The following KCNQ1 variants were observed in gnomAD, a reference collection of about 807,000 sequenced individuals.
The protein encoded by KCNQ1 is potassium voltage-gated channel subfamily Q member 1, also known as potassium voltage-gated channel subfamily KQT member 1.
A neutral mutation model predicts 72.4 loss-of-function variants in KCNQ1; 49 were observed. That is an observed-to-expected ratio of 0.68 (90% CI 0.54 to 0.86). The LOEUF (loss-of-function observed/expected upper bound fraction) is 0.86, where lower values mean the gene tolerates loss of function less well. KCNQ1 is among the 40% of genes least tolerant of loss of function. KCNQ1 has a pLI of 0.00. For missense variants in KCNQ1, 790 were observed against 945.1 expected (o/e 0.84, Z 2.15); for synonymous variants, 450 against 412.6 (o/e 1.09, Z -1.10).
chr11:2,709,337 G>A (rs909947603), intron 11 of KCNQ1, among the ~76,000 whole-genome samples: 1 of 150,348 alleles, frequency 6.7e-6, no homozygotes, highest in Non-Finnish European at 1.5e-5. Flanking sequence ...GCGGGCAGAG[G>A]CTCAGACGCC....
chr11:2,620,315 C>T lies in KCNQ1; in HGVS notation c.1393+31461C>T, dbSNP rs916819882. 9.8e-6 allele frequency: 2 copies of T among 204,628 alleles called. No homozygotes were observed. Among genetic ancestry groups the T allele is most frequent in the Non-Finnish European group, 9.5e-6 (1 of 105,054 alleles). The allele number at this position is 204,628 out of a possible 1,614,324, so 12.7% of individuals were successfully genotyped here. A position where few individuals can be genotyped will look rare whatever the true frequency, so the allele number is the denominator to read the frequency against. On this transcript the variant is annotated intron_variant, in intron 10 of 15. Coordinates refer to ENST00000155840, the MANE Select transcript of KCNQ1 (RefSeq NM_000218.3). The surrounding 1 kb of genome is among the most constrained non-coding windows in gnomAD (Gnocchi z 4.5). ...CACTGCAGCCTCCGCCTACCGGGTT[C>T]AAGTGATTCTCCTGCCTCAGCCTCC...
chr11:2,730,363 T>C (rs891993587), intron 11 of KCNQ1, among the ~76,000 whole-genome samples: 7 of 152,220 alleles, frequency 4.6e-5, no homozygotes, highest in African/African-American at 9.6e-5. Flanking sequence ...AGGTCAGATG[T>C]CCGACATGGG....
intron 15 of KCNQ1, among the ~76,000 whole-genome samples, chr11:2,847,557 G>A (rs938838872): frequency 2.0e-5 from 3 of 152,168 alleles, no homozygotes; most frequent in Non-Finnish European, 2.9e-5. Context: ...GACTCCAATC[G>A]GCACACATGC....
chr11:2,591,653 G>A (rs536390810), intron 10 of KCNQ1, among the ~76,000 whole-genome samples: 5 of 152,380 alleles, frequency 3.3e-5, no homozygotes, highest in African/African-American at 1.2e-4. Context: ...AATCGATGCC[G>A]TCCATTCAGC....
chr11:2,568,272 C>CATAAATAAATAA (rs71029149), intron 2 of KCNQ1, among the ~76,000 whole-genome samples: 26 of 149,180 alleles, frequency 1.7e-4, no homozygotes, highest in East Asian at 2.0e-4. Flanking sequence ...GACTCTGTCT[C>CATAAATAAATAA]ATAAATAAAT....
At chr11:2,680,541 T>C (rs543207438) in intron 11 of KCNQ1, 2 of 398,522 alleles carry the variant, frequency 5.0e-6, no homozygotes, top group East Asian at 3.6e-5. Context: ...TCTCATGCAG[T>C]TCTAAGAAAC....
intron 11 of KCNQ1, among the ~76,000 whole-genome samples, chr11:2,736,227 G>T (rs568423487): frequency 6.6e-6 from 1 of 152,314 alleles, no homozygotes; most frequent in South Asian, 2.1e-4. Flanking sequence ...CAGCAGTCCA[G>T]GGGATTAGAG....
intron 11 of KCNQ1, chr11:2,693,890 GTCC>G (rs1014807496): frequency 7.5e-6 from 3 of 398,644 alleles, no homozygotes; most frequent in African/African-American, 4.1e-5. Context: ...AACCCTACTC[GTCC>G]TCCTCCTGGA....
rs1431168232 is a variant in KCNQ1, at chr11:2,498,979, G to A, written c.387-28949G>A. 2.0e-5 allele frequency among the ~76,000 whole-genome samples: 3 copies of A among 152,158 alleles called. No individual in the cohort carries two copies. Among genetic ancestry groups the A allele is most frequent in the African/African-American group, 7.2e-5 (3 of 41,446 alleles). ...CAGTTCCCTCGGCTGGGGGAGGGAGGTCTCCCGGCTCCTTGCACTTCCCAG... is the reference window on the plus strand; with the variant it reads ...CAGTTCCCTCGGCTGGGGGAGGGAGATCTCCCGGCTCCTTGCACTTCCCAG... On this transcript the variant is annotated intron_variant, in intron 1 of 15. Coordinates refer to ENST00000155840, the MANE Select transcript of KCNQ1 (RefSeq NM_000218.3). The surrounding 1 kb of genome is among the most constrained non-coding windows in gnomAD (Gnocchi z 4.8).
chr11:2,763,062 A>G (rs1846433984), intron 11 of KCNQ1, among the ~76,000 whole-genome samples: 1 of 152,246 alleles, frequency 6.6e-6, no homozygotes, highest in South Asian at 2.1e-4. Flanking sequence ...TCGGTTTCCA[A>G]TAAATAAACA....
intron 1 of KCNQ1, among the ~76,000 whole-genome samples, chr11:2,469,263 GTT>G (rs113964559): frequency 1.4e-5 from 2 of 145,674 alleles, no homozygotes; most frequent in South Asian, 2.2e-4. Flanking sequence ...GAATTCAAGA[GTT>G]TTTTTTTTTT....
Position 2,683,115 on chromosome 11 carries a change from G to A in KCNQ1, c.1514+21034G>A, listed in dbSNP as rs911508170. ...GATTTTCTTGTTCCCAGGATATATC[G>A]CACCAACTCAGGAGGGTGTGGGGAT... On this transcript the variant is annotated intron_variant, in intron 11 of 15. Coordinates refer to ENST00000155840, the MANE Select transcript of KCNQ1 (RefSeq NM_000218.3). The surrounding 1 kb of genome is among the most constrained non-coding windows in gnomAD (Gnocchi z 4.7). 16 of 354,632 alleles carry A rather than the reference G, an allele frequency of 4.5e-5. No homozygotes were observed. Among genetic ancestry groups the A allele is most frequent in the African/African-American group, 3.9e-4 (12 of 31,124 alleles). The allele number at this position is 354,632 out of a possible 1,614,324, so 22.0% of individuals were successfully genotyped here.
rs1349489441 is a variant in KCNQ1 at position 2,653,940 on chromosome 11, A to C, written c.1394-8021A>C. ...CCAGAAGCCAGGCCTGGCTGCTGGCAGGCAAAAACAACAGGTGTCCACTCA... is the reference window on the plus strand; with the variant it reads ...CCAGAAGCCAGGCCTGGCTGCTGGCCGGCAAAAACAACAGGTGTCCACTCA... On this transcript the variant is annotated intron_variant, in intron 10 of 15. Coordinates refer to ENST00000155840, the MANE Select transcript of KCNQ1 (RefSeq NM_000218.3). The surrounding 1 kb of genome is among the most constrained non-coding windows in gnomAD (Gnocchi z 5.3). 3 of 398,698 alleles carry C rather than the reference A, an allele frequency of 7.5e-6. No individual in the cohort carries two copies. Among genetic ancestry groups the C allele is most frequent in the African/African-American group, 6.2e-5 (3 of 48,760 alleles). 24.7% of individuals were successfully genotyped at this position (398,698 alleles called of 1,614,324 possible). A position where few individuals can be genotyped will look rare whatever the true frequency, so the allele number is the denominator to read the frequency against.
At position 2,710,911 on chromosome 11, in the gene KCNQ1, G is replaced by A. The variant is rs1490524108; in HGVS notation, c.1514+48830G>A. Among the ~76,000 whole-genome samples the A allele has an allele frequency of 1.3e-5, 2 of 152,142 alleles. No homozygotes were observed. The highest frequency in any genetic ancestry group is 4.8e-5 in the African/African-American group (2 of 41,444). The stretch of plus-strand genomic sequence containing the variant: ...AGTGAGTTTTAAAATTGGAAAGTGG[G>A]TTTTCCAACTTTGTTTTTCTTTTTC... On this transcript the variant is annotated intron_variant, in intron 11 of 15. Transcript: ENST00000155840. This position sits in a 1 kb window ranked among gnomAD's most constrained non-coding sequence, Gnocchi z 4.1.
At chr11:2,730,669 C>T (rs569407330) in intron 11 of KCNQ1, among the ~76,000 whole-genome samples, 1 of 152,336 alleles carries the variant, frequency 6.6e-6, no homozygotes, top group Admixed American at 6.5e-5. Context: ...ACCTGTATGG[C>T]CACAGAGTCT....
At chr11:2,775,615 G>T (rs142028820) in intron 12 of KCNQ1, among the ~76,000 whole-genome samples, 10 of 152,196 alleles carry the variant, frequency 6.6e-5, no homozygotes, top group East Asian at 1.9e-4. Context: ...TGACCCCTTG[G>T]GGGGGCCAGC....
rs1161492965 is a variant in KCNQ1 at position 2,611,968 on chromosome 11, TTC to T, written c.1393+23119_1393+23120del. ...TACTCAAATATTTTTGTCTGCCCTATTCTCTCCTTCTCAGTACTCTTATTAAC... is the reference window on the plus strand; with the variant it reads ...TACTCAAATATTTTTGTCTGCCCTATTCTCCTTCTCAGTACTCTTATTAAC... On this transcript the variant is annotated intron_variant, in intron 10 of 15. Coordinates refer to ENST00000155840, the MANE Select transcript of KCNQ1 (RefSeq NM_000218.3). The surrounding 1 kb of genome is among the most constrained non-coding windows in gnomAD (Gnocchi z 5.3). 14 of 398,534 alleles carry T rather than the reference TTC, an allele frequency of 3.5e-5. No homozygotes were observed. The highest frequency in any genetic ancestry group is 2.9e-4 in the African/African-American group (14 of 48,644). The allele number at this position is 398,534 out of a possible 1,614,324, so 24.7% of individuals were successfully genotyped here.
chr11:2,842,087 A>G (rs1736764321), intron 15 of KCNQ1, among the ~76,000 whole-genome samples: 1 of 152,174 alleles, frequency 6.6e-6, no homozygotes, highest in Non-Finnish European at 1.5e-5. Context: ...CTCGGCAGAC[A>G]ACAGACACCA....
rs990484375 is a variant in KCNQ1, at chr11:2,746,821, C to T, written c.1515-22023C>T. 2.0e-5 allele frequency among the ~76,000 whole-genome samples: 3 copies of T among 152,222 alleles called. No individual in the cohort carries two copies. The highest frequency in any genetic ancestry group is 6.5e-5 in the Admixed American group (1 of 15,290). Reference sequence around the variant, plus strand: ...GACCCGCCAGCATTTGGCTCTGGGGCCCTAGAGAGACCCTGGGATGTGGAT... The same window carrying T: ...GACCCGCCAGCATTTGGCTCTGGGGTCCTAGAGAGACCCTGGGATGTGGAT... On this transcript the variant is annotated intron_variant, in intron 11 of 15. Coordinates refer to ENST00000155840, the MANE Select transcript of KCNQ1 (RefSeq NM_000218.3). The surrounding 1 kb of genome is among the most constrained non-coding windows in gnomAD (Gnocchi z 5.9).
Sources: allele counts gnomAD v4.1 joint callset (sites outside exome capture counted in the v4.1 genomes callset), GRCh38; gene constraint gnomAD v4.1.1; non-coding constraint Gnocchi (gnomAD v3.1); transcripts MANE v1.5; gene names NCBI Gene and HGNC (gene_info 2026-07-23, HGNC 2026-07-21).